Variants in STAB2 observed in about 807,000 individuals in gnomAD.
STAB2 encodes stabilin 2.
STAB2 carries 288 observed loss-of-function variants against 338.1 expected under a neutral mutation model. The observed-to-expected ratio is 0.85, with a 90% confidence interval of 0.77 to 0.94. The LOEUF is 0.94. Ranked by LOEUF, STAB2 falls within the 40% of genes least tolerant of loss-of-function variation. The pLI, the probability that STAB2 is intolerant of heterozygous loss-of-function variation, is 0.00. For synonymous variants in STAB2, 1,202 were observed against 1,193.3 expected, an observed-to-expected ratio of 1.01 and a Z score of -0.15; for missense variants, 3,141 against 3,210.1, an observed-to-expected ratio of 0.98 and a Z score of 0.52.
Position 103,763,537 on chromosome 12 carries a change from G to A in STAB2, c.7534G>A (p.Glu2512Lys). ...TGCAGCTCTTGGCAAGCAGCAGCCT[G>A]AGAATATCTCGAACCCCTTGTATGA... is the stretch of plus-strand genomic sequence containing the variant. ...NVAALGKQQP[E>K]NISNPLYEST... Residue 2512 changes from glutamate to lysine, a missense_variant, in exon 68 of 69, where the codon GAG becomes AAG. By Grantham distance (56) the Glu-to-Lys change is moderately conservative. Transcript: ENST00000388887. 6.2e-7 allele frequency: 1 copy of A among 1,614,118 alleles called. No individual in the cohort carries two copies. Among genetic ancestry groups the A allele is most frequent in the African/African-American group, 1.3e-5 (1 of 75,026 alleles).
At chr12:103,709,602 G>A (rs1045442003) in intron 39 of STAB2, among the ~76,000 whole-genome samples, 9 of 152,176 alleles carry the variant, frequency 5.9e-5, no homozygotes, top group Middle Eastern at 3.2e-3. Context: ...CAGAGGGGGC[G>A]TCTTTGCCCA....
At chr12:103,606,850 G>A (rs1272489115) in intron 3 of STAB2, among the ~76,000 whole-genome samples, 1 of 152,060 alleles carries the variant, frequency 6.6e-6, no homozygotes, top group African/African-American at 2.4e-5. Flanking sequence ...TGGGCGTGGT[G>A]GCACACACCT....
At chr12:103,695,065 A>C (rs1285313592) in intron 31 of STAB2, among the ~76,000 whole-genome samples, 1 of 152,146 alleles carries the variant, frequency 6.6e-6, no homozygotes, top group Non-Finnish European at 1.5e-5. Flanking sequence ...CAAACAAAAC[A>C]TTTTTACAAG....
intron 5 of STAB2, among the ~76,000 whole-genome samples, chr12:103,623,343 T>C (rs1457594721): frequency 1.3e-5 from 2 of 152,140 alleles, no homozygotes; most frequent in African/African-American, 4.8e-5. Flanking sequence ...TATGGTACCT[T>C]ACATGGCAAA....
At chr12:103,623,448 T>C (rs1957334451) in intron 5 of STAB2, among the ~76,000 whole-genome samples, 1 of 152,054 alleles carries the variant, frequency 6.6e-6, no homozygotes, top group African/African-American at 2.4e-5. Flanking sequence ...CCAGTGTTAA[T>C]CACAGGGGTC....
In STAB2 at chr12:103,683,206, A is replaced by G; in HGVS notation, c.2807A>G (p.Asn936Ser). 1.2e-6 allele frequency: 2 copies of G among 1,612,280 alleles called. No homozygotes were observed. Among genetic ancestry groups the G allele is most frequent in the Non-Finnish European group, 1.7e-6 (2 of 1,179,270 alleles). Reference sequence around the variant, plus strand: ...TTGACTCTGTTCTTAAAATTATAGAATGAGTGTGAGTGCAAGAAAGGATTT... The same window carrying G: ...TTGACTCTGTTCTTAAAATTATAGAGTGAGTGTGAGTGCAAGAAAGGATTT... ...ASCLYVGPGQ[N>S]ECECKKGFRG... is the part of the protein sequence containing the mutation. Residue 936 changes from asparagine to serine, a missense_variant and splice_region_variant, in exon 26 of 69, where the codon AAT (asparagine) becomes AGT (serine). Coordinates refer to ENST00000388887, the MANE Select transcript of STAB2 (RefSeq NM_017564.10).
At chr12:103,676,060 T>TTC in intron 24 of STAB2, 39 bp downstream of exon 24, 3 of 645,710 alleles carry the variant, frequency 4.6e-6, no homozygotes, top group Non-Finnish European at 4.3e-6. Context: ...CCTGGTTTCT[T>TTC]TTTTTTTTTT....
intron 5 of STAB2, among the ~76,000 whole-genome samples, chr12:103,624,849 A>T (rs1393102770): frequency 6.6e-6 from 1 of 151,602 alleles, no homozygotes; most frequent in African/African-American, 2.4e-5. Context: ...GAGGCAAGAG[A>T]ATCACTTGAA....
At chr12:103,754,901 A>G (rs997501138) in intron 61 of STAB2, among the ~76,000 whole-genome samples, 1 of 151,776 alleles carries the variant, frequency 6.6e-6, no homozygotes, top group Non-Finnish European at 1.5e-5. Flanking sequence ...AGCCAAGATC[A>G]TGCCACTGCC....
At chr12:103,753,080 A>G (rs1401413388) in intron 60 of STAB2, 140 bp from the exon 61 acceptor site, 4 of 942,406 alleles carry the variant, frequency 4.2e-6, no homozygotes, top group Admixed American at 3.1e-5. Context: ...GTACTTCAAC[A>G]TAACTTGAAG....
chr12:103,623,148 G>T (rs1957328793), intron 5 of STAB2, among the ~76,000 whole-genome samples: 1 of 152,174 alleles, frequency 6.6e-6, no homozygotes, highest in Admixed American at 6.5e-5. Context: ...AAATAAACAG[G>T]ATGTTATTAA....
chr12:103,614,586 C>T (rs995302031), intron 3 of STAB2, among the ~76,000 whole-genome samples: 1 of 152,196 alleles, frequency 6.6e-6, no homozygotes, highest in Non-Finnish European at 1.5e-5. Context: ...AAAACAACTT[C>T]TGTTGTTTCT....
Position 103,742,485 on chromosome 12 carries a change from T to G in STAB2, c.5962T>G (p.Cys1988Gly). 2 of 1,614,098 alleles carry G rather than the reference T, an allele frequency of 1.2e-6. No homozygotes were observed. The highest frequency in any genetic ancestry group is 1.7e-6 in the Non-Finnish European group (2 of 1,180,020). Residue 1988 changes from cysteine (C) to glycine (G), a missense_variant, in exon 56 of 69, where the codon TGC becomes GGC. Physicochemically the swap from Cys to Gly is radical, Grantham distance 159. Transcript: ENST00000388887. ...DQYSATGECK[C>G]NTGFNGTACE... ...GTACTCGGCCACCGGAGAGTGTAAATGCAACACCGGCTTCAATGGGACGGC... is the reference window on the plus strand; with the variant it reads ...GTACTCGGCCACCGGAGAGTGTAAAGGCAACACCGGCTTCAATGGGACGGC...
intron 38 of STAB2, 29 bp downstream of exon 38, chr12:103,707,016 T>C (rs1879427851): frequency 1.9e-6 from 3 of 1,608,282 alleles, no homozygotes; most frequent in East Asian, 2.2e-5. Context: ...ACAGAGGATC[T>C]TGGGCTGCTG....
intron 2 of STAB2, among the ~76,000 whole-genome samples, chr12:103,591,728 T>G (rs962638091): frequency 1.3e-5 from 2 of 152,172 alleles, no homozygotes; most frequent in Non-Finnish European, 1.5e-5. Context: ...GCAGCATGGT[T>G]GCATTTTATG....
At chr12:103,682,178 G>C (rs1173086311) in intron 25 of STAB2, among the ~76,000 whole-genome samples, 1 of 151,856 alleles carries the variant, frequency 6.6e-6, no homozygotes, top group Admixed American at 6.6e-5. Context: ...TGGGAAAAGA[G>C]GGGGGTCTCT....
chr12:103,698,531 C>T (rs1214892951), intron 33 of STAB2, among the ~76,000 whole-genome samples: 1 of 152,116 alleles, frequency 6.6e-6, no homozygotes, highest in African/African-American at 2.4e-5. Context: ...TCAGACACTC[C>T]CCATGTCTGA....
intron 60 of STAB2, among the ~76,000 whole-genome samples, chr12:103,752,420 A>T (rs976941238): frequency 1.3e-5 from 2 of 152,206 alleles, no homozygotes; most frequent in Non-Finnish European, 2.9e-5. Flanking sequence ...TGTAGAAAGT[A>T]TCATTTTTGT....
intron 25 of STAB2, 134 bp downstream of exon 25, chr12:103,677,745 T>C (rs1593809): frequency 0.34 from 370,917 of 1,093,368 alleles, 65,956 homozygotes; most frequent in South Asian, 0.43. Flanking sequence ...TGAACATGGG[T>C]TCATTGCCAC....
Sources: gnomAD v4.1 joint callset for allele counts (sites outside exome capture counted in the v4.1 genomes callset) on GRCh38, gnomAD v4.1.1 for gene constraint, MANE v1.5 for transcripts, NCBI Gene and HGNC (gene_info 2026-07-23, HGNC 2026-07-21) for gene names.